GABRA2: variants seen among roughly 807,000 people sequenced by gnomAD.
The protein encoded by GABRA2 is gamma-aminobutyric acid type A receptor subunit alpha2, also known as gamma-aminobutyric acid receptor subunit alpha-2.
A neutral mutation model predicts 48.7 loss-of-function variants in GABRA2; 16 were observed. The ratio of observed to expected loss-of-function variants is 0.33; its 90% CI spans 0.22 to 0.50. The LOEUF (loss-of-function observed/expected upper bound fraction) is 0.50, where lower values mean the gene tolerates loss of function less well. Ranked by LOEUF, GABRA2 falls within the 20% of genes least tolerant of loss-of-function variation. The pLI, the probability that GABRA2 is intolerant of heterozygous loss-of-function variation, is 0.98. For missense variants in GABRA2, 275 were observed against 535.6 expected (o/e 0.51, Z 4.80); for synonymous variants, 185 against 184.5 (o/e 1.00, Z -0.02).
intron 3 of GABRA2, among the ~76,000 whole-genome samples, chr4:46,383,732 G>A (rs983553841): frequency 1.3e-5 from 2 of 151,974 alleles, no homozygotes; most frequent in Non-Finnish European, 2.9e-5. Context: ...AAGAACTGGT[G>A]TTAAGATGAT....
intron 9 of GABRA2, among the ~76,000 whole-genome samples, chr4:46,251,223 G>A (rs1176912867): frequency 6.6e-6 from 1 of 151,494 alleles, no homozygotes; most frequent in East Asian, 2.0e-4. Flanking sequence ...TCTTGTCTGA[G>A]TCACTATTAT....
At chr4:46,267,180 A>T (rs1388851049) in intron 8 of GABRA2, among the ~76,000 whole-genome samples, 2 of 151,974 alleles carry the variant, frequency 1.3e-5, no homozygotes, top group Non-Finnish European at 2.9e-5. Flanking sequence ...AACAATCTTA[A>T]TTGGCTTATC....
At chr4:46,274,273 T>G (rs1442365867) in intron 8 of GABRA2, among the ~76,000 whole-genome samples, 1 of 152,146 alleles carries the variant, frequency 6.6e-6, no homozygotes, top group South Asian at 2.1e-4. Context: ...TAGTAGAGAT[T>G]AGATACAAAC....
At chr4:46,370,813 T>G (rs1239748348) in intron 3 of GABRA2, among the ~76,000 whole-genome samples, 2 of 152,220 alleles carry the variant, frequency 1.3e-5, no homozygotes, top group South Asian at 4.1e-4. Flanking sequence ...ATACTCTGTC[T>G]ATTTCTCTAC....
intron 8 of GABRA2, among the ~76,000 whole-genome samples, chr4:46,264,534 C>A (rs942908953): frequency 6.6e-6 from 1 of 151,854 alleles, no homozygotes; most frequent in Non-Finnish European, 1.5e-5. Context: ...GGATAAATCC[C>A]ACTTTGTCAT....
chr4:46,332,978 C>A (rs577642800), intron 3 of GABRA2, among the ~76,000 whole-genome samples: 1 of 152,146 alleles, frequency 6.6e-6, no homozygotes, highest in African/African-American at 2.4e-5. Flanking sequence ...TAGGAAACAT[C>A]TTAAGTGAAA....
At chr4:46,366,209 A>G (rs1387922288) in intron 3 of GABRA2, 1 of 152,068 alleles carries the variant, frequency 6.6e-6, no homozygotes, top group South Asian at 2.1e-4. Flanking sequence ...ACAACACCCT[A>G]ATAGATTTTC....
intron 3 of GABRA2, among the ~76,000 whole-genome samples, chr4:46,377,433 G>A (rs1418756040): frequency 1.3e-5 from 2 of 150,760 alleles, no homozygotes; most frequent in Admixed American, 6.6e-5. Flanking sequence ...CGCCCCGTCT[G>A]AGAAGTGAGG....
chr4:46,375,492 G>A (rs967945629), intron 3 of GABRA2, among the ~76,000 whole-genome samples: 5 of 152,078 alleles, frequency 3.3e-5, no homozygotes, highest in South Asian at 2.1e-4. Context: ...AGGAGAATCC[G>A]GAAGTTTCTA....
At chr4:46,283,921 G>A (rs905239275) in intron 8 of GABRA2, among the ~76,000 whole-genome samples, 4 of 151,722 alleles carry the variant, frequency 2.6e-5, no homozygotes, top group African/African-American at 9.7e-5. Context: ...CACCACACCC[G>A]GCTAATTTTT....
chr4:46,278,168 C>T (rs1720863529), intron 8 of GABRA2, among the ~76,000 whole-genome samples: 1 of 152,128 alleles, frequency 6.6e-6, no homozygotes, highest in African/African-American at 2.4e-5. Flanking sequence ...TATACACACT[C>T]ACACAATAGT....
chr4:46,324,428 G>A (rs1457004559), intron 4 of GABRA2, among the ~76,000 whole-genome samples: 1 of 151,774 alleles, frequency 6.6e-6, no homozygotes, highest in East Asian at 1.9e-4. Context: ...TCTTAATCTA[G>A]GCATACAAGT....
chr4:46,267,364 T>C (rs1560451736), intron 8 of GABRA2, among the ~76,000 whole-genome samples: 2 of 152,200 alleles, frequency 1.3e-5, no homozygotes, highest in South Asian at 2.1e-4. Context: ...TATTATATTT[T>C]CCTTTAGTTC....
At chr4:46,303,699 A>G in intron 7 of GABRA2, 87 bp from the exon 8 acceptor site, 2 of 1,200,786 alleles carry the variant, frequency 1.7e-6, no homozygotes, top group Admixed American at 2.4e-5. Context: ...TAGAACAAAA[A>G]CTGATTTTTT....
chr4:46,335,857 C>G (rs1732138933), intron 3 of GABRA2, among the ~76,000 whole-genome samples: 1 of 152,154 alleles, frequency 6.6e-6, no homozygotes, highest in Admixed American at 6.6e-5. Context: ...CTTTGGTTAA[C>G]TGCTCCTTTG....
chr4:46,258,219 G>A (rs1716239113), intron 9 of GABRA2, among the ~76,000 whole-genome samples: 1 of 151,774 alleles, frequency 6.6e-6, no homozygotes. Context: ...ATACATGTAA[G>A]AACCTGTACA....
At chr4:46,312,469 T>A in intron 5 of GABRA2, 27 bp downstream of exon 5, 1 of 1,471,502 alleles carries the variant, frequency 6.8e-7, no homozygotes, top group South Asian at 1.2e-5. Context: ...AGTATATAAA[T>A]ACATCACATC....
chr4:46,292,472 C>T (rs1023822731), intron 8 of GABRA2, among the ~76,000 whole-genome samples: 1 of 152,002 alleles, frequency 6.6e-6, no homozygotes, highest in Non-Finnish European at 1.5e-5. Flanking sequence ...GTAGGAGGAC[C>T]CTGAGGAAGC....
chr4:46,384,307 A>G (rs767740106), intron 3 of GABRA2, among the ~76,000 whole-genome samples: 9 of 152,228 alleles, frequency 5.9e-5, no homozygotes, highest in Non-Finnish European at 8.8e-5. Flanking sequence ...AGATATTAGC[A>G]TATGTTCAAT....
Sources: gnomAD v4.1 joint callset for allele counts (sites outside exome capture counted in the v4.1 genomes callset) on GRCh38, gnomAD v4.1.1 for gene constraint, MANE v1.5 for transcripts, NCBI Gene and HGNC (gene_info 2026-07-23, HGNC 2026-07-21) for gene names.